Variants in TDRD3 observed in about 807,000 individuals in gnomAD.
TDRD3 encodes tudor domain containing 3.
Under a neutral mutation model 86.7 loss-of-function variants are expected in TDRD3, and 45 were observed. The observed-to-expected ratio is 0.52, with a 90% CI of 0.41 to 0.67. The LOEUF (loss-of-function observed/expected upper bound fraction) is 0.67, where lower values mean the gene tolerates loss of function less well. Among genes scored for constraint, TDRD3 ranks in the 30% least tolerant of loss-of-function variants. TDRD3 has a pLI of 0.00. For missense variants in TDRD3, 814 were observed against 889.0 expected, an observed-to-expected ratio of 0.92 and a Z score of 1.07; for synonymous variants, 298 against 301.7, an observed-to-expected ratio of 0.99 and a Z score of 0.13.
At chr13:60,458,401 A>G (rs1022587722) in intron 3 of TDRD3, among the ~76,000 whole-genome samples, 10 of 152,198 alleles carry the variant, frequency 6.6e-5, no homozygotes, top group Non-Finnish European at 2.9e-5. Context: ...AAACAAGAGA[A>G]GGTGTCATGT....
At chr13:60,440,796 T>C (rs1384951854) in intron 2 of TDRD3, among the ~76,000 whole-genome samples, 2 of 152,216 alleles carry the variant, frequency 1.3e-5, no homozygotes, top group Non-Finnish European at 2.9e-5. Flanking sequence ...TACTACAATA[T>C]GTGGTCAATG....
Position 60,467,006 on chromosome 13 carries a change from T to TAC in TDRD3, c.354-230_354-229dup, listed in dbSNP as rs565862996. Among the ~76,000 whole-genome samples the TAC allele has an allele frequency of 7.9e-5, 12 of 152,178 alleles. No homozygotes were observed. In the East Asian group the frequency reaches 1.9e-3, roughly 25 times the overall value. ...TGTTTTTTTGTTTTAAGTTTCAGGGTACATGTGTAGGATGTGCAGATTTGT... is the reference window on the plus strand; with the variant it reads ...TGTTTTTTTGTTTTAAGTTTCAGGGTACACATGTGTAGGATGTGCAGATTTGT... On this transcript the variant is annotated intron_variant, in intron 4 of 13. Coordinates refer to ENST00000377881, the MANE Select transcript of TDRD3 (RefSeq NM_001146070.2).
At chr13:60,551,175 T>A (rs1455422390) in intron 12 of TDRD3, among the ~76,000 whole-genome samples, 1 of 152,184 alleles carries the variant, frequency 6.6e-6, no homozygotes. Flanking sequence ...AGCCTCTGTA[T>A]CCACTGGGAT....
Position 60,481,353 on chromosome 13 carries a change from T to G in TDRD3, c.496-2422T>G, listed in dbSNP as rs185614030. ...TTTTTTCTCTTCCCTCTTTGTGTTTTTTTTTTTTTTGTATTATATCTTCAA... is the reference window on the plus strand; with the variant it reads ...TTTTTTCTCTTCCCTCTTTGTGTTTGTTTTTTTTTTGTATTATATCTTCAA... On this transcript the variant is annotated intron_variant, in intron 5 of 13. Transcript: ENST00000377881. 2.8e-3 allele frequency among the ~76,000 whole-genome samples: 417 copies of G among 151,300 alleles called. 4 individuals are homozygous for G. Among genetic ancestry groups the G allele is most frequent in the Middle Eastern group, 3.4e-3 (1 of 294 alleles).
chr13:60,494,357 T>C, intron 7 of TDRD3, 78 bp from the exon 8 acceptor site: 1 of 1,372,922 alleles, frequency 7.3e-7, no homozygotes, highest in Non-Finnish European at 9.6e-7. Context: ...TTCAGTTGTT[T>C]TTAGTCATAG....
At chr13:60,561,866 G>T (rs771204173) in intron 12 of TDRD3, among the ~76,000 whole-genome samples, 221 of 83,428 alleles carry the variant, frequency 2.6e-3, no homozygotes, top group South Asian at 5.2e-3. Context: ...CAGGTTTTTT[G>T]TTGTTGTTGT....
intron 5 of TDRD3, among the ~76,000 whole-genome samples, chr13:60,478,575 G>A (rs189358947): frequency 8.6e-5 from 13 of 151,992 alleles, no homozygotes; most frequent in Admixed American, 8.5e-4. Flanking sequence ...AAAGTGCTGG[G>A]ATTACAGGCA....
intron 8 of TDRD3, among the ~76,000 whole-genome samples, chr13:60,501,355 C>T (rs1311785435): frequency 1.3e-5 from 2 of 152,202 alleles, no homozygotes; most frequent in Admixed American, 6.5e-5. Flanking sequence ...GTTCTGTCTA[C>T]AGCACCATTT....
At chr13:60,556,640 A>G (rs1958193163) in intron 12 of TDRD3, among the ~76,000 whole-genome samples, 2 of 152,220 alleles carry the variant, frequency 1.3e-5, no homozygotes, top group South Asian at 4.1e-4. Flanking sequence ...TGCCTAATAG[A>G]TTTATATATT....
intron 8 of TDRD3, among the ~76,000 whole-genome samples, chr13:60,500,189 A>C (rs985904903): frequency 2.0e-5 from 3 of 152,094 alleles, no homozygotes; most frequent in Non-Finnish European, 4.4e-5. Context: ...ATGGGTCATC[A>C]AGTCACCATG....
At chr13:60,568,343 A>T (rs1958511954) in intron 13 of TDRD3, among the ~76,000 whole-genome samples, 1 of 152,216 alleles carries the variant, frequency 6.6e-6, no homozygotes, top group Non-Finnish European at 1.5e-5. Context: ...GTCATCAAGT[A>T]AACAGTCCTG....
chr13:60,560,016 G>C (rs1157602388), intron 12 of TDRD3, among the ~76,000 whole-genome samples: 1 of 152,116 alleles, frequency 6.6e-6, no homozygotes, highest in East Asian at 1.9e-4. Flanking sequence ...TTAAATATAT[G>C]TGATTCCTGT....
intron 8 of TDRD3, among the ~76,000 whole-genome samples, chr13:60,505,374 C>G (rs1956914444): frequency 1.3e-5 from 2 of 152,188 alleles, no homozygotes; most frequent in Non-Finnish European, 2.9e-5. Context: ...CTGCTGTAGC[C>G]AGACTGCGTC....
intron 2 of TDRD3, 95 bp downstream of exon 2, chr13:60,439,867 T>C (rs2137959700): frequency 1.4e-6 from 1 of 711,812 alleles, no homozygotes; most frequent in Middle Eastern, 3.9e-4. Flanking sequence ...ATAACAAATA[T>C]AGAGAACATC....
At chr13:60,482,257 A>G (rs1377455807) in intron 5 of TDRD3, among the ~76,000 whole-genome samples, 1 of 152,158 alleles carries the variant, frequency 6.6e-6, no homozygotes. Context: ...TGAGACTGAT[A>G]TTCTAAACTC....
At chr13:60,467,136 A>G in intron 4 of TDRD3, 102 bp from the exon 5 acceptor site, 1 of 1,381,770 alleles carries the variant, frequency 7.2e-7, no homozygotes, top group Non-Finnish European at 9.9e-7. Flanking sequence ...TCTCCCTCCC[A>G]CTACCCCACT....
chr13:60,522,052 TA>T (rs1330903798), intron 10 of TDRD3, among the ~76,000 whole-genome samples: 1 of 152,162 alleles, frequency 6.6e-6, no homozygotes, highest in Non-Finnish European at 1.5e-5. Context: ...TTTTACTTTT[TA>T]AATATTTCTT....
chr13:60,564,837 ATCT>A (rs1409951147), intron 12 of TDRD3, among the ~76,000 whole-genome samples: 3 of 152,210 alleles, frequency 2.0e-5, no homozygotes, highest in African/African-American at 7.2e-5. Flanking sequence ...AAATAAACTG[ATCT>A]ATTAAATCAA....
chr13:60,404,130 G>A (rs1331519679), intron 1 of TDRD3, among the ~76,000 whole-genome samples: 1 of 152,118 alleles, frequency 6.6e-6, no homozygotes, highest in Admixed American at 6.5e-5. Context: ...CAAGGTTTTT[G>A]TATATGTCTT....
Sources: gnomAD v4.1 joint callset for allele counts (sites outside exome capture counted in the v4.1 genomes callset) on GRCh38, gnomAD v4.1.1 for gene constraint, MANE v1.5 for transcripts, NCBI Gene and HGNC (gene_info 2026-07-23, HGNC 2026-07-21) for gene names.